Variants in SPATS2 observed in about 807,000 individuals in gnomAD.
The protein encoded by SPATS2 is spermatogenesis associated serine rich 2.
SPATS2 carries 38 observed loss-of-function variants against 63.7 expected under a neutral mutation model. The ratio of observed to expected loss-of-function variants is 0.60; its 90% confidence interval spans 0.46 to 0.78. The LOEUF (loss-of-function observed/expected upper bound fraction) is 0.78. SPATS2 is among the 30% of genes least tolerant of loss of function. SPATS2 has a pLI of 0.00. For missense variants in SPATS2, 588 were observed against 666.2 expected, an observed-to-expected ratio of 0.88 and a Z score of 1.29; for synonymous variants, 207 against 232.9, an observed-to-expected ratio of 0.89 and a Z score of 1.01.
intron 2 of SPATS2, among the ~76,000 whole-genome samples, chr12:49,409,357 G>T (rs1337463029): frequency 1.3e-5 from 2 of 152,064 alleles, no homozygotes; most frequent in Non-Finnish European, 2.9e-5. Flanking sequence ...CCAGGCTGGA[G>T]TGCAGTGTCA....
chr12:49,409,398 CGG>C (rs1592369456), intron 2 of SPATS2, among the ~76,000 whole-genome samples: 2 of 151,940 alleles, frequency 1.3e-5, no homozygotes, highest in East Asian at 3.9e-4. Context: ...CTCCGCCTCC[CGG>C]GTTCACGCCA....
intron 10 of SPATS2, among the ~76,000 whole-genome samples, chr12:49,517,819 T>C: frequency 6.6e-6 from 1 of 152,032 alleles, no homozygotes; most frequent in East Asian, 1.9e-4. Flanking sequence ...AGCCAGAAAA[T>C]ATAGATTTTT....
At chr12:49,481,427 T>G (rs1946203350) in intron 3 of SPATS2, among the ~76,000 whole-genome samples, 1 of 146,136 alleles carries the variant, frequency 6.8e-6, no homozygotes, top group Admixed American at 6.8e-5. Flanking sequence ...GTGAAATAAA[T>G]AAGAAAGCTC....
intron 9 of SPATS2, among the ~76,000 whole-genome samples, chr12:49,504,195 A>T (rs1454263138): frequency 2.0e-5 from 3 of 152,334 alleles, no homozygotes; most frequent in African/African-American, 7.2e-5. Context: ...CCCCAGTAAA[A>T]GTACATTACC....
At chr12:49,447,176 C>T (rs557410495) in intron 2 of SPATS2, among the ~76,000 whole-genome samples, 4 of 152,308 alleles carry the variant, frequency 2.6e-5, no homozygotes, top group East Asian at 1.9e-4. Flanking sequence ...GTGATCCACC[C>T]GCCTTGGCCT....
chr12:49,403,902 G>A (rs1944651567), intron 2 of SPATS2, among the ~76,000 whole-genome samples: 1 of 152,148 alleles, frequency 6.6e-6, no homozygotes, highest in African/African-American at 2.4e-5. Context: ...TCTGGGAAGG[G>A]AGAGTAAAGT....
At chr12:49,503,517 CGG>C (rs1565754524) in intron 9 of SPATS2, among the ~76,000 whole-genome samples, 2 of 151,324 alleles carry the variant, frequency 1.3e-5, no homozygotes, top group African/African-American at 4.9e-5. Flanking sequence ...GGCGTGGTGG[CGG>C]GCGCCTGTAG....
intron 2 of SPATS2, among the ~76,000 whole-genome samples, chr12:49,381,113 G>A (rs897599083): frequency 1.3e-5 from 2 of 152,018 alleles, no homozygotes; most frequent in African/African-American, 2.4e-5. Flanking sequence ...GTGGTATCTC[G>A]TGCTTTTTAT....
chr12:49,397,638 G>T (rs1406993961), intron 2 of SPATS2, among the ~76,000 whole-genome samples: 1 of 151,612 alleles, frequency 6.6e-6, no homozygotes, highest in Non-Finnish European at 1.5e-5. Flanking sequence ...GACCAACCTG[G>T]GTAACATAAC....
At position 49,462,286 on chromosome 12, in the gene SPATS2, C is replaced by T. The variant is rs535014566; in HGVS notation, c.25+1249C>T. The stretch of plus-strand genomic sequence containing the variant: ...TCAACTCCTCACAGGAAGGAGAGCG[C>T]GAGTGAACAAGGAAGGAACTGGAGG... On this transcript the variant is annotated intron_variant, in intron 3 of 13. Transcript: ENST00000552918. The T allele has an allele frequency of 1.4e-4, 100 of 702,292 alleles. 1 individual carries two copies. The highest frequency in any genetic ancestry group is 6.6e-4 in the Admixed American group (33 of 49,992). 43.5% of individuals were successfully genotyped at this position (702,292 alleles called of 1,614,324 possible). A position where few individuals can be genotyped will look rare whatever the true frequency, so the allele number is the denominator to read the frequency against.
At chr12:49,375,333 A>AT (rs1410975978) in intron 2 of SPATS2, among the ~76,000 whole-genome samples, 1 of 152,178 alleles carries the variant, frequency 6.6e-6, no homozygotes, top group East Asian at 1.9e-4. Context: ...GCTGCCAATG[A>AT]TATTACTTCT....
chr12:49,454,977 C>T (rs1044868031), intron 2 of SPATS2, among the ~76,000 whole-genome samples: 1 of 151,878 alleles, frequency 6.6e-6, no homozygotes, highest in East Asian at 1.9e-4. Context: ...ATCTCAGCAC[C>T]ACCATCAATT....
At chr12:49,523,800 A>C (rs1022101368) in intron 12 of SPATS2, among the ~76,000 whole-genome samples, 1 of 152,030 alleles carries the variant, frequency 6.6e-6, no homozygotes, top group African/African-American at 2.4e-5. Flanking sequence ...AAAATACAAA[A>C]AATTAGCCAG....
intron 3 of SPATS2, among the ~76,000 whole-genome samples, chr12:49,481,508 C>T (rs1946205682): frequency 7.1e-6 from 1 of 140,710 alleles, no homozygotes; most frequent in Non-Finnish European, 1.5e-5. Flanking sequence ...TGCTCTGTCG[C>T]CCAGGCTGGA....
At chr12:49,509,973 A>C (rs1340342329) in intron 9 of SPATS2, among the ~76,000 whole-genome samples, 1 of 152,000 alleles carries the variant, frequency 6.6e-6, no homozygotes, top group Non-Finnish European at 1.5e-5. Context: ...AATAGGTTTT[A>C]AGGCCATTTA....
intron 1 of SPATS2, among the ~76,000 whole-genome samples, chr12:49,370,308 A>G (rs1293177578): frequency 6.6e-6 from 1 of 152,184 alleles, no homozygotes; most frequent in Non-Finnish European, 1.5e-5. Flanking sequence ...AAAACTGGGA[A>G]CTAAAAGTCA....
intron 11 of SPATS2, among the ~76,000 whole-genome samples, chr12:49,519,814 A>T (rs561379770): frequency 3.7e-5 from 5 of 136,330 alleles, no homozygotes; most frequent in Admixed American, 7.4e-5. Flanking sequence ...AGTTACCACT[A>T]TTTTTTTTTT....
chr12:49,498,879 C>T (rs539734390), intron 8 of SPATS2, among the ~76,000 whole-genome samples: 8 of 151,696 alleles, frequency 5.3e-5, no homozygotes, highest in South Asian at 2.1e-4. Context: ...CTGAAACCTC[C>T]GCCTCCCAGT....
At chr12:49,434,828 A>G (rs1488882470) in intron 2 of SPATS2, among the ~76,000 whole-genome samples, 4 of 152,164 alleles carry the variant, frequency 2.6e-5, no homozygotes, top group Non-Finnish European at 4.4e-5. Flanking sequence ...TTGTTTTATC[A>G]TTTAGTAAGC....
Sources: allele counts gnomAD v4.1 joint callset (sites outside exome capture counted in the v4.1 genomes callset), GRCh38; gene constraint gnomAD v4.1.1; transcripts MANE v1.5; gene names NCBI Gene and HGNC (gene_info 2026-07-23, HGNC 2026-07-21).